REV1: variants seen among roughly 807,000 people sequenced by gnomAD.
REV1 encodes the protein translesion synthesis protein REV1.
In REV1, 42 loss-of-function variants were observed where a neutral mutation model predicts 137.4. That is an observed-to-expected ratio of 0.31 (90% CI 0.24 to 0.40). The LOEUF (loss-of-function observed/expected upper bound fraction) is 0.40, where lower values mean the gene tolerates loss of function less well. Ranked by LOEUF, REV1 falls within the 10% of genes least tolerant of loss-of-function variation. The pLI is 1.00. For missense variants in REV1, 1,282 were observed against 1,490.1 expected (o/e 0.86, Z 2.30); for synonymous variants, 524 against 519.2 (o/e 1.01, Z -0.12).
At chr2:99,415,569 A>G (rs1273604918) in intron 12 of REV1, among the ~76,000 whole-genome samples, 3 of 152,360 alleles carry the variant, frequency 2.0e-5, no homozygotes, top group East Asian at 3.9e-4. Context: ...CTGCTATCCA[A>G]TACAGGAGAA....
At chr2:99,420,144 G>A (rs993188254) in intron 11 of REV1, among the ~76,000 whole-genome samples, 1 of 152,230 alleles carries the variant, frequency 6.6e-6, no homozygotes, top group Non-Finnish European at 1.5e-5. Context: ...TGTTACCAAT[G>A]TCTGTGGGCC....
At chr2:99,478,584 T>G (rs184693371) in intron 1 of REV1, among the ~76,000 whole-genome samples, 21 of 152,254 alleles carry the variant, frequency 1.4e-4, no homozygotes, top group Non-Finnish European at 2.6e-4. Flanking sequence ...AAGTTCAAGG[T>G]TGCAATAAAT....
At chr2:99,440,818 T>C (rs1681395444) in intron 5 of REV1, among the ~76,000 whole-genome samples, 1 of 152,126 alleles carries the variant, frequency 6.6e-6, no homozygotes, top group African/African-American at 2.4e-5. Flanking sequence ...GTCAAAAACA[T>C]TCAGACCCTT....
chr2:99,426,910 G>A (rs1213036009), intron 9 of REV1, among the ~76,000 whole-genome samples: 1 of 152,166 alleles, frequency 6.6e-6, no homozygotes, highest in African/African-American at 2.4e-5. Flanking sequence ...CTGGCCGGGT[G>A]CGGTGGCTCA....
chr2:99,423,240 G>A (rs1678913396), intron 10 of REV1, among the ~76,000 whole-genome samples: 1 of 152,156 alleles, frequency 6.6e-6, no homozygotes, highest in Non-Finnish European at 1.5e-5. Flanking sequence ...CCTGTACTTA[G>A]CAGATACTGG....
At chr2:99,444,283 C>T (rs1477552459) in intron 4 of REV1, among the ~76,000 whole-genome samples, 1 of 152,206 alleles carries the variant, frequency 6.6e-6, no homozygotes, top group Non-Finnish European at 1.5e-5. Context: ...TCATAGATAG[C>T]TATAACTAAG....
intron 3 of REV1, among the ~76,000 whole-genome samples, chr2:99,457,598 T>C (rs1683668522): frequency 8.3e-6 from 1 of 120,646 alleles, no homozygotes; most frequent in African/African-American, 3.0e-5. Context: ...GGTACAAGAA[T>C]CGCTTGAGCC....
At chr2:99,422,011 G>A (rs1194697816) in intron 10 of REV1, among the ~76,000 whole-genome samples, 1 of 152,116 alleles carries the variant, frequency 6.6e-6, no homozygotes, top group East Asian at 1.9e-4. Context: ...GAAAACCGGT[G>A]GGTGAATTTG....
At chr2:99,474,671 G>A (rs1289079074) in intron 1 of REV1, among the ~76,000 whole-genome samples, 3 of 152,210 alleles carry the variant, frequency 2.0e-5, no homozygotes. Flanking sequence ...GGAGGCTGAG[G>A]CAGGCGAATC....
chr2:99,419,695 C>T (rs754727092), intron 11 of REV1, among the ~76,000 whole-genome samples: 2 of 152,136 alleles, frequency 1.3e-5, no homozygotes, highest in African/African-American at 2.4e-5. Flanking sequence ...GTCCTCAAAA[C>T]ACAGAGACAG....
At chr2:99,420,830 G>A (rs1678562087) in intron 11 of REV1, among the ~76,000 whole-genome samples, 2 of 152,198 alleles carry the variant, frequency 1.3e-5, no homozygotes, top group Admixed American at 6.5e-5. Flanking sequence ...GAGTATGGCA[G>A]GGACAAACTG....
intron 22 of REV1, among the ~76,000 whole-genome samples, chr2:99,401,624 A>G (rs943891807): frequency 1.4e-4 from 22 of 152,026 alleles, no homozygotes; most frequent in African/African-American, 5.1e-4. Flanking sequence ...GCACATGCCT[A>G]TAATCCCAGC....
At chr2:99,471,902 A>AC (rs1271060141) in intron 1 of REV1, among the ~76,000 whole-genome samples, 16 of 151,528 alleles carry the variant, frequency 1.1e-4, no homozygotes, top group African/African-American at 3.9e-4. Context: ...AAAAAAAAAA[A>AC]AAAAAAAAAC....
chr2:99,412,793 G>A lies in REV1; in HGVS notation c.2110C>T (p.Arg704Ter). The A allele has an allele frequency of 6.2e-7, 1 of 1,613,960 alleles. No individual in the cohort carries two copies. Among genetic ancestry groups the A allele is most frequent in the Non-Finnish European group, 8.5e-7 (1 of 1,179,974 alleles). Residue 704 changes from arginine (R) to a stop codon, truncating the protein, a stop_gained, in exon 13 of 23, where the codon CGA (arginine) becomes TGA (stop). Coordinates refer to ENST00000258428, the MANE Select transcript of REV1 (RefSeq NM_016316.4). LOFTEE classifies it high-confidence loss of function. ...FCRGLDDRPV[R>*]TEKERKSVSA... ...ACAGATTTTCTTTCCTTTTCAGTTC[G>A]AACTGGTCTATCATCCAAGCCACGG...
At chr2:99,476,429 G>A (rs574499662) in intron 1 of REV1, among the ~76,000 whole-genome samples, 1 of 152,238 alleles carries the variant, frequency 6.6e-6, no homozygotes, top group South Asian at 2.1e-4. Flanking sequence ...GGTGGCACAC[G>A]CCGGTAATCC....
chr2:99,463,872 C>T (rs1291164757), intron 2 of REV1, among the ~76,000 whole-genome samples: 2 of 152,284 alleles, frequency 1.3e-5, no homozygotes, highest in East Asian at 1.9e-4. Flanking sequence ...GATCCACCTG[C>T]CTGAGCCTCC....
chr2:99,417,334 G>A (rs1324840775), intron 12 of REV1, among the ~76,000 whole-genome samples: 1 of 152,076 alleles, frequency 6.6e-6, no homozygotes, highest in East Asian at 1.9e-4. Context: ...AGTAGAGACA[G>A]GGTTTCACCA....
intron 1 of REV1, among the ~76,000 whole-genome samples, chr2:99,485,174 T>C (rs1479464888): frequency 1.3e-5 from 2 of 152,228 alleles, no homozygotes; most frequent in Non-Finnish European, 2.9e-5. Flanking sequence ...CAAGTGAATT[T>C]AAAATAACTG....
At chr2:99,416,871 CCAT>C (rs1039502541) in intron 12 of REV1, among the ~76,000 whole-genome samples, 4 of 133,490 alleles carry the variant, frequency 3.0e-5, no homozygotes, top group African/African-American at 5.9e-5. Flanking sequence ...CGAGATCGCA[CCAT>C]TGCACTCTAG....
Sources: allele counts gnomAD v4.1 joint callset (sites outside exome capture counted in the v4.1 genomes callset), GRCh38; gene constraint gnomAD v4.1.1; transcripts MANE v1.5; gene names NCBI Gene and HGNC (gene_info 2026-07-23, HGNC 2026-07-21).